RNF2: variants seen among roughly 807,000 people sequenced by gnomAD.
The protein encoded by RNF2 is ring finger protein 2.
In RNF2, 6 loss-of-function variants were observed where a neutral mutation model predicts 37.2. That is an observed-to-expected ratio of 0.16 (90% CI 0.09 to 0.32). The LOEUF (loss-of-function observed/expected upper bound fraction) is 0.32. Among genes scored for constraint, RNF2 ranks in the 10% least tolerant of loss-of-function variants. The pLI, the probability that RNF2 is intolerant of heterozygous loss-of-function variation, is 1.00. For missense variants in RNF2, 251 were observed against 404.0 expected, an observed-to-expected ratio of 0.62 and a Z score of 3.25; for synonymous variants, 133 against 132.7, an observed-to-expected ratio of 1.00 and a Z score of -0.02.
At chr1:185,060,406 T>C (rs900745749) in intron 1 of RNF2, among the ~76,000 whole-genome samples, 1 of 152,218 alleles carries the variant, frequency 6.6e-6, no homozygotes, top group African/African-American at 2.4e-5. Context: ...CTCCCTTGTT[T>C]AGAGGTTCCT....
chr1:185,100,138 T>C (rs895994467), intron 6 of RNF2, 62 bp from the exon 7 acceptor site: 5 of 1,369,880 alleles, frequency 3.6e-6, no homozygotes, highest in Non-Finnish European at 5.0e-6. Context: ...CATTTTAGTT[T>C]CATTTCATTA....
chr1:185,073,075 T>A (rs904471063), intron 1 of RNF2, among the ~76,000 whole-genome samples: 1 of 143,158 alleles, frequency 7.0e-6, no homozygotes, highest in Non-Finnish European at 1.5e-5. Context: ...TTTTTTTTTT[T>A]ACTTAATGTG....
chr1:185,057,537 G>A (rs1027923815), intron 1 of RNF2, among the ~76,000 whole-genome samples: 14 of 152,030 alleles, frequency 9.2e-5, no homozygotes, highest in Non-Finnish European at 1.8e-4. Flanking sequence ...TGTTGTCCCC[G>A]TAAGTTTACC....
chr1:185,062,567 G>C (rs535444224), intron 1 of RNF2, among the ~76,000 whole-genome samples: 2 of 152,078 alleles, frequency 1.3e-5, no homozygotes, highest in African/African-American at 4.8e-5. Flanking sequence ...GAAAGTATAG[G>C]TGGTTGTTTT....
chr1:185,083,264 T>C (rs972913892), intron 1 of RNF2, among the ~76,000 whole-genome samples: 2 of 152,224 alleles, frequency 1.3e-5, no homozygotes, highest in African/African-American at 4.8e-5. Flanking sequence ...AAGGATTGTA[T>C]GTTTGTTTTA....
At chr1:185,097,895 A>C (rs1651957860) in intron 4 of RNF2, among the ~76,000 whole-genome samples, 177 bp from the exon 5 acceptor site, 1 of 152,260 alleles carries the variant, frequency 6.6e-6, no homozygotes, top group Non-Finnish European at 1.5e-5. Flanking sequence ...GCCTGTGAGC[A>C]AGAGAGATTT....
At chr1:185,057,626 A>G (rs1257106342) in intron 1 of RNF2, among the ~76,000 whole-genome samples, 4 of 152,162 alleles carry the variant, frequency 2.6e-5, no homozygotes, top group African/African-American at 4.8e-5. Flanking sequence ...AAGGAATGAA[A>G]GAAGATAGCC....
In RNF2 at chr1:185,098,058, T is replaced by TC. The variant is rs1351414288; in HGVS notation, c.465-9dup. 2 of 1,607,650 alleles carry TC rather than the reference T, an allele frequency of 1.2e-6. No homozygotes were observed. The highest frequency in any genetic ancestry group is 8.5e-7 in the Non-Finnish European group (1 of 1,175,530). Reference sequence around the variant, plus strand: ...AAAGTAAATTTTATGCATCCTTTTTTCCCCCTTGACTAGACTGCAGCGAGG... The same window carrying TC: ...AAAGTAAATTTTATGCATCCTTTTTTCCCCCCTTGACTAGACTGCAGCGAGG... On this transcript the variant is annotated splice_polypyrimidine_tract_variant and intron_variant, in intron 4 of 6. Coordinates refer to ENST00000367510, the MANE Select transcript of RNF2 (RefSeq NM_007212.4).
At chr1:185,093,811 T>C (rs1651836728) in intron 4 of RNF2, among the ~76,000 whole-genome samples, 1 of 152,244 alleles carries the variant, frequency 6.6e-6, no homozygotes, top group Admixed American at 6.5e-5. Context: ...GTACTTTTTA[T>C]TTCAATTTCC....
intron 2 of RNF2, 72 bp from the exon 3 acceptor site, chr1:185,091,507 A>G (rs1186840960): frequency 6.9e-6 from 10 of 1,441,118 alleles, no homozygotes; most frequent in Non-Finnish European, 9.6e-6. Context: ...CATTTCCAGT[A>G]CTTTTATATG....
chr1:185,092,228 G>A (rs1005122002), intron 3 of RNF2, among the ~76,000 whole-genome samples: 15 of 151,332 alleles, frequency 9.9e-5, no homozygotes, highest in African/African-American at 2.9e-4. Flanking sequence ...CCAGGCTGGA[G>A]TGCAGTGGCA....
At chr1:185,064,389 T>G (rs554496881) in intron 1 of RNF2, among the ~76,000 whole-genome samples, 1 of 152,324 alleles carries the variant, frequency 6.6e-6, no homozygotes, top group South Asian at 2.1e-4. Context: ...ATACTCTGAT[T>G]TTTTTGGTAA....
In RNF2 at chr1:185,081,626, G is replaced by A. The variant is rs1051328117; in HGVS notation, c.-2-5926G>A. Among the ~76,000 whole-genome samples, 3 of 151,774 alleles carry A rather than the reference G, an allele frequency of 2.0e-5. No homozygotes were observed. The East Asian group carries it at 5.8e-4, about 29-fold the overall frequency. On this transcript the variant is annotated intron_variant, in intron 1 of 6. Coordinates refer to ENST00000367510, the MANE Select transcript of RNF2 (RefSeq NM_007212.4). ...CGGTTTCACCATGTTGGCCAGGATG[G>A]TCTTGAACTCCTGACCTCAGGTGAT...
chr1:185,097,385 A>G (rs1300901340), intron 4 of RNF2, among the ~76,000 whole-genome samples: 2 of 152,234 alleles, frequency 1.3e-5, no homozygotes, highest in African/African-American at 4.8e-5. Context: ...TGTTTCCTTA[A>G]GAATTTCTTT....
intron 1 of RNF2, among the ~76,000 whole-genome samples, chr1:185,061,095 T>C (rs1036279501): frequency 6.6e-6 from 1 of 150,780 alleles, no homozygotes; most frequent in African/African-American, 2.4e-5. Context: ...CACTCCACTC[T>C]GGGTGCTGGA....
At position 185,098,330 on chromosome 1, in the gene RNF2, C is replaced by T; in HGVS notation, c.723C>T (p.Asp241=). The change falls in exon 5 of 7, where the codon GAC becomes GAT. Residue 241 remains aspartate, a synonymous_variant. Transcript: ENST00000367510. Reference sequence around the variant, plus strand: ...ATCCCACACTTATGGAAAAAGATGACAGTGCACAGACGAGGTAAGTGTGTG... The same window carrying T: ...ATCCCACACTTATGGAAAAAGATGATAGTGCACAGACGAGGTAAGTGTGTG... ...RPHPTLMEKD[D]SAQTRYIKTS... is the part of the protein sequence containing the mutation. The T allele has an allele frequency of 1.9e-6, 3 of 1,614,042 alleles. No individual in the cohort carries two copies. The highest frequency in any genetic ancestry group is 2.5e-6 in the Non-Finnish European group (3 of 1,179,976).
rs1247564945 is a variant in RNF2, at chr1:185,101,782, T to G, written c.*1481T>G. ...CGGTATGAAAACTTAAAGGTATATATTCAATTTTTTACCATTTTATGGAAA... is the reference window on the plus strand; with the variant it reads ...CGGTATGAAAACTTAAAGGTATATAGTCAATTTTTTACCATTTTATGGAAA... On this transcript the variant is annotated 3_prime_UTR_variant, in exon 7 of 7. Coordinates refer to ENST00000367510, the MANE Select transcript of RNF2 (RefSeq NM_007212.4). 6.6e-6 allele frequency: 1 copy of G among 151,772 alleles called. No homozygotes were observed. Among genetic ancestry groups the G allele is most frequent in the African/African-American group, 2.4e-5 (1 of 41,258 alleles). The allele number at this position is 151,772 out of a possible 1,614,324, so 9.4% of individuals were successfully genotyped here.
Position 185,094,181 on chromosome 1 carries a change from A to G in RNF2, c.464+905A>G, listed in dbSNP as rs150522383. Among the ~76,000 whole-genome samples the G allele has an allele frequency of 5.7e-3, 855 of 150,552 alleles. 32 individuals are homozygous for G. The East Asian group carries it at 0.086, about 15-fold the overall frequency. On this transcript the variant is annotated intron_variant, in intron 4 of 6. Transcript: ENST00000367510. Reference sequence around the variant, plus strand: ...TTTTGAGATGGAGTCTTGCTGTGTCACCCAGGCCAGAGTGCAGTGGCACCA... The same window carrying G: ...TTTTGAGATGGAGTCTTGCTGTGTCGCCCAGGCCAGAGTGCAGTGGCACCA...
At chr1:185,091,101 T>C (rs1279722778) in intron 2 of RNF2, among the ~76,000 whole-genome samples, 2 of 152,178 alleles carry the variant, frequency 1.3e-5, no homozygotes, top group East Asian at 1.9e-4. Context: ...AATCTTGTTT[T>C]AATGGGCAGC....
Sources: allele counts gnomAD v4.1 joint callset (sites outside exome capture counted in the v4.1 genomes callset), GRCh38; gene constraint gnomAD v4.1.1; transcripts MANE v1.5; gene names NCBI Gene and HGNC (gene_info 2026-07-23, HGNC 2026-07-21).